The following LARGE1 variants were observed in gnomAD, a reference collection of about 807,000 sequenced individuals.
The protein encoded by LARGE1 is LARGE xylosyl- and glucuronyltransferase 1, also known as xylosyl- and glucuronyltransferase LARGE1.
In LARGE1, 43 loss-of-function variants were observed where a neutral mutation model predicts 87.6. The observed-to-expected ratio is 0.49, with a 90% CI of 0.38 to 0.63. LARGE1 has a LOEUF of 0.63. LARGE1 is among the 30% of genes least tolerant of loss of function. LARGE1 has a pLI of 0.00. For missense variants in LARGE1, 802 were observed against 1,000.2 expected (o/e 0.80, Z 2.67); for synonymous variants, 434 against 394.6 (o/e 1.10, Z -1.18).
chr22:33,854,206 T>G (rs887806804), intron 1 of LARGE1, among the ~76,000 whole-genome samples: 1 of 113,240 alleles, frequency 8.8e-6, no homozygotes, highest in Non-Finnish European at 1.7e-5. Context: ...TAAATGCACT[T>G]AAGGGGAAAA....
chr22:33,140,041 T>C, the LARGE1 span, among the ~76,000 whole-genome samples: 2,703 of 152,284 alleles, frequency 0.018, 85 homozygotes, highest in African/African-American at 0.06. Context: ...GCCCTATGAA[T>C]GAGTTGGGTG....
At chr22:33,919,644 A>G (rs1157918330) in intron 1 of LARGE1, among the ~76,000 whole-genome samples, 2 of 152,168 alleles carry the variant, frequency 1.3e-5, no homozygotes, top group African/African-American at 4.8e-5. Flanking sequence ...CTCTCCAAAC[A>G]CGGCAGGCTC....
At chr22:33,874,709 A>T (rs1046712474) in intron 1 of LARGE1, among the ~76,000 whole-genome samples, 2 of 152,180 alleles carry the variant, frequency 1.3e-5, no homozygotes, top group Admixed American at 1.3e-4. Flanking sequence ...CTGTCTTTGA[A>T]AGTTCAGGCC....
At chr22:33,825,797 T>C (rs750420638) in intron 1 of LARGE1, among the ~76,000 whole-genome samples, 2 of 152,184 alleles carry the variant, frequency 1.3e-5, no homozygotes, top group African/African-American at 2.4e-5. Context: ...TTTTTCCCAC[T>C]ACCCATCAAT....
At chr22:33,117,232 T>C in the LARGE1 span, among the ~76,000 whole-genome samples, 6 of 152,188 alleles carry the variant, frequency 3.9e-5, no homozygotes, top group African/African-American at 1.4e-4. Context: ...ACTGGCAGAC[T>C]CTAGTTTTCA....
the LARGE1 span, among the ~76,000 whole-genome samples, chr22:33,143,155 A>C: frequency 2.0e-5 from 3 of 152,188 alleles, no homozygotes; most frequent in Non-Finnish European, 2.9e-5. Context: ...GAAATGACCA[A>C]GAGAAAGGGA....
chr22:33,569,204 T>C (rs2078120754), intron 5 of LARGE1, among the ~76,000 whole-genome samples: 1 of 152,224 alleles, frequency 6.6e-6, no homozygotes, highest in African/African-American at 2.4e-5. Context: ...GCTGTGCTAT[T>C]TAATCAGACC....
the LARGE1 span, among the ~76,000 whole-genome samples, chr22:33,089,456 TC>T: frequency 1.9e-5 from 2 of 107,324 alleles, no homozygotes; most frequent in Admixed American, 2.0e-4. Context: ...TTCTTCTTCC[TC>T]CTCTTCCTCT....
chr22:33,430,579 C>T (rs763004228), intron 7 of LARGE1, among the ~76,000 whole-genome samples: 1 of 151,890 alleles, frequency 6.6e-6, no homozygotes, highest in Non-Finnish European at 1.5e-5. Flanking sequence ...GCCTGGTAGG[C>T]ATTACAGGAA....
chr22:33,287,648 T>C (rs77044766), intron 12 of LARGE1, among the ~76,000 whole-genome samples: 2,304 of 152,262 alleles, frequency 0.015, 37 homozygotes, highest in South Asian at 0.054. Context: ...GGGCTTGCTG[T>C]CTTAGGGGTC....
intron 1 of LARGE1, among the ~76,000 whole-genome samples, chr22:33,875,375 G>A (rs2064431343): frequency 6.6e-6 from 1 of 152,200 alleles, no homozygotes; most frequent in South Asian, 2.1e-4. Flanking sequence ...TCTCTCTGTG[G>A]CCAGGGCCAA....
Position 33,801,200 on chromosome 22 carries a change from G to A in LARGE1, c.-82-39642C>T, listed in dbSNP as rs73170597. 2.2e-3 allele frequency among the ~76,000 whole-genome samples: 334 copies of A among 152,306 alleles called. 1 individual carries two copies. Among genetic ancestry groups the A allele is most frequent in the South Asian group, 3.7e-3 (18 of 4,818 alleles). On this transcript the variant is annotated intron_variant, in intron 1 of 14. Coordinates refer to ENST00000397394, the MANE Select transcript of LARGE1 (RefSeq NM_133642.5). ...GGGGCCTCCCCAGACATGTGGTACT[G>A]TAAGTCCAATTAAAACTCTTTTTCT...
At chr22:33,628,800 C>CG (rs2080011102) in intron 3 of LARGE1, among the ~76,000 whole-genome samples, 24 of 510 alleles carry the variant, frequency 0.047, no homozygotes, top group Admixed American at 0.29. Context: ...CTCCAACCCG[C>CG]AGACATCTGC....
chr22:33,545,234 C>A (rs574471180), intron 6 of LARGE1, among the ~76,000 whole-genome samples: 1 of 151,558 alleles, frequency 6.6e-6, no homozygotes, highest in African/African-American at 2.4e-5. Flanking sequence ...TTGTACTACA[C>A]CTGACCAGAA....
At chr22:33,824,937 G>A (rs1284845637) in intron 1 of LARGE1, among the ~76,000 whole-genome samples, 1 of 152,164 alleles carries the variant, frequency 6.6e-6, no homozygotes, top group Non-Finnish European at 1.5e-5. Context: ...TGGTCAGCAA[G>A]GGCCAAGTAT....
At chr22:33,292,575 G>A (rs1389933744) in intron 12 of LARGE1, among the ~76,000 whole-genome samples, 1 of 152,094 alleles carries the variant, frequency 6.6e-6, no homozygotes, top group Non-Finnish European at 1.5e-5. Flanking sequence ...AAGGGAGAGG[G>A]GAGAGCAGGG....
At chr22:33,398,226 A>G (rs1367043013) in intron 7 of LARGE1, among the ~76,000 whole-genome samples, 1 of 152,112 alleles carries the variant, frequency 6.6e-6, no homozygotes, top group Non-Finnish European at 1.5e-5. Flanking sequence ...TAGAAAAAAA[A>G]AAACCTCAAA....
intron 6 of LARGE1, among the ~76,000 whole-genome samples, chr22:33,541,047 TGGGTTGC>T (rs2077179538): frequency 4.6e-4 from 1 of 2,184 alleles, no homozygotes; most frequent in South Asian, 0.011. Flanking sequence ...GCTGGGGTGG[TGGGTTGC>T]GGGGGGGGGG....
chr22:33,147,341 A>G, the LARGE1 span, among the ~76,000 whole-genome samples: 1 of 152,190 alleles, frequency 6.6e-6, no homozygotes, highest in Non-Finnish European at 1.5e-5. Flanking sequence ...TTTCAAAGTA[A>G]TAGAACCAAT....
Sources: allele counts gnomAD v4.1 joint callset (sites outside exome capture counted in the v4.1 genomes callset), GRCh38; gene constraint gnomAD v4.1.1; transcripts MANE v1.5; gene names NCBI Gene and HGNC (gene_info 2026-07-23, HGNC 2026-07-21).